Variants in OSM observed in about 807,000 individuals in gnomAD.
The protein encoded by OSM is oncostatin M, also known as oncostatin-M.
OSM carries 1 observed loss-of-function variant against 6.3 expected under a neutral mutation model. The ratio of observed to expected loss-of-function variants is 0.16; its 90% CI spans 0.06 to 0.76. The LOEUF (loss-of-function observed/expected upper bound fraction) is 0.76, where lower values mean the gene tolerates loss of function less well. OSM is among the 30% of genes least tolerant of loss of function. The pLI, the probability that OSM is intolerant of heterozygous loss-of-function variation, is 0.77. For synonymous variants in OSM, 135 were observed against 143.4 expected (o/e 0.94, Z 0.42); for missense variants, 324 against 336.9 (o/e 0.96, Z 0.30).
Position 30,263,145 on chromosome 22 carries a change from A to G in OSM, c.*738T>C, listed in dbSNP as rs200669206. 1 of 152,728 alleles carries G rather than the reference A, an allele frequency of 6.5e-6. No homozygotes were observed. Among genetic ancestry groups the G allele is most frequent in the Non-Finnish European group, 1.5e-5 (1 of 68,030 alleles). The allele number at this position is 152,728 out of a possible 1,614,324, so 9.5% of individuals were successfully genotyped here. A position where few individuals can be genotyped will look rare whatever the true frequency, so the allele number is the denominator to read the frequency against. Reference sequence around the variant, plus strand: ...TACACCTCCCAGCGCCATTTGCACCACCTGTCCTGATTTACAGATTTTTAA... The same window carrying G: ...TACACCTCCCAGCGCCATTTGCACCGCCTGTCCTGATTTACAGATTTTTAA... On this transcript the variant is annotated 3_prime_UTR_variant, in exon 3 of 3. Coordinates refer to ENST00000215781, the MANE Select transcript of OSM (RefSeq NM_020530.6).
At position 30,266,785 on chromosome 22, in the gene OSM, G is replaced by A. The variant is rs774656058; in HGVS notation, c.15C>T (p.Leu5=). 6.2e-7 allele frequency: 1 copy of A among 1,613,274 alleles called. No individual in the cohort carries two copies. Among genetic ancestry groups the A allele is most frequent in the Non-Finnish European group, 8.5e-7 (1 of 1,179,548 alleles). Residue 5 remains leucine, a synonymous_variant, in exon 1 of 3, where the codon CTC becomes CTT. Transcript: ENST00000215781. The surrounding 1 kb of genome is among the most constrained non-coding windows in gnomAD (Gnocchi z 5.0). MGVL[L]TQRTLLSLVL... is the part of the protein sequence containing the mutation. ...ACTTACTGAGCAGCGTCCTCTGTGT[G>A]AGCAGTACCCCCATGCTGGGTGCCC... is the stretch of plus-strand genomic sequence containing the variant.
In OSM at chr22:30,263,340, G is replaced by A. The variant is rs530800531; in HGVS notation, c.*543C>T. 6.5e-6 allele frequency: 1 copy of A among 152,892 alleles called. No homozygotes were observed. Among genetic ancestry groups the A allele is most frequent in the African/African-American group, 2.4e-5 (1 of 41,488 alleles). The allele number at this position is 152,892 out of a possible 1,614,324, so 9.5% of individuals were successfully genotyped here. A position where few individuals can be genotyped will look rare whatever the true frequency, so the allele number is the denominator to read the frequency against. On this transcript the variant is annotated 3_prime_UTR_variant, in exon 3 of 3. Transcript: ENST00000215781. ...CCTGGGACCTGAGCTCCATTCCCTG[G>A]ACCCCCGGATCAGGGCTCCTGGGAC... is the stretch of plus-strand genomic sequence containing the variant.
Position 30,264,135 on chromosome 22 carries a change from G to T in OSM, c.507C>A (p.Gly169=). The T allele has an allele frequency of 6.2e-7, 1 of 1,612,482 alleles. No individual in the cohort carries two copies. The highest frequency in any genetic ancestry group is 8.5e-7 in the Non-Finnish European group (1 of 1,179,070). ...NSDTAEPTKA[G]RGASQPPTPT... The stretch of plus-strand genomic sequence containing the variant: ...GGGTGGGCGGCTGAGAGGCCCCCCG[G>T]CCAGCCTTCGTGGGCTCAGCCGTGT... The change falls in exon 3 of 3, where the codon GGC becomes GGA. Residue 169 remains glycine, a synonymous_variant. Transcript: ENST00000215781.
At position 30,264,019 on chromosome 22, in the gene OSM, A is replaced by G. The variant is rs768270974; in HGVS notation, c.623T>C (p.Val208Ala). ...YHRFMHSVGR[V>A]FSKWGESPNR... is the part of the protein sequence containing the mutation. ...CGGGCTCTCCCCCCACTTGCTGAAG[A>G]CCCGCCCCACTGAGTGCATGAAGCG... Residue 208 changes from valine (V) to alanine (A), a missense_variant, in exon 3 of 3, where the codon GTC becomes GCC. Coordinates refer to ENST00000215781, the MANE Select transcript of OSM (RefSeq NM_020530.6). 3 of 1,561,596 alleles carry G rather than the reference A, an allele frequency of 1.9e-6. No homozygotes were observed. Among genetic ancestry groups the G allele is most frequent in the East Asian group, 4.5e-5 (2 of 44,326 alleles).
At chr22:30,264,500 A>G in intron 2 of OSM, 36 bp from the exon 3 acceptor site, 1 of 1,533,638 alleles carries the variant, frequency 6.5e-7, no homozygotes, top group Non-Finnish European at 8.9e-7. Flanking sequence ...GTGAATGCTG[A>G]GGATCCGGAC....
chr22:30,266,522 C>T lies in OSM; in HGVS notation c.34+244G>A, dbSNP rs1000106555. On this transcript the variant is annotated intron_variant, in intron 1 of 2. Transcript: ENST00000215781. This position sits in a 1 kb window ranked among gnomAD's most constrained non-coding sequence, Gnocchi z 5.0. ...CCCCTGGTTCCCAGAGTTGCCTCTA[C>T]ATCTTGACATCACCTCCCCCTGGAA... Among the ~76,000 whole-genome samples, 2 of 152,164 alleles carry T rather than the reference C, an allele frequency of 1.3e-5. No individual in the cohort carries two copies. Among genetic ancestry groups the T allele is most frequent in the African/African-American group, 2.4e-5 (1 of 41,436 alleles).
At position 30,263,790 on chromosome 22, in the gene OSM, G is replaced by A. The variant is rs1394051822; in HGVS notation, c.*93C>T. Reference sequence around the variant, plus strand: ...CAGTGGCTAGTAGCAGAGGGGAACAGGTTTGGGGACCCGGGAGCTGTCATC... The same window carrying A: ...CAGTGGCTAGTAGCAGAGGGGAACAAGTTTGGGGACCCGGGAGCTGTCATC... On this transcript the variant is annotated 3_prime_UTR_variant, in exon 3 of 3. Coordinates refer to ENST00000215781, the MANE Select transcript of OSM (RefSeq NM_020530.6). 2 of 1,068,496 alleles carry A rather than the reference G, an allele frequency of 1.9e-6. No individual in the cohort carries two copies. The highest frequency in any genetic ancestry group is 3.1e-4 in the Middle Eastern group (1 of 3,240). The allele number at this position is 1,068,496 out of a possible 1,614,324, so 66.2% of individuals were successfully genotyped here.
Position 30,265,073 on chromosome 22 carries a change from G to A in OSM, c.106C>T (p.Arg36Cys), listed in dbSNP as rs551223066. ...TTCTGGAGCTGGCCAAGGAGCACGC[G>A]GTACTCTTTCGAGCAGCTGCCTATA... ...AAIGSCSKEY[R>C]VLLGQLQKQT... is the part of the protein sequence containing the mutation. Residue 36 changes from arginine (R) to cysteine (C), a missense_variant, in exon 2 of 3, where the codon CGC becomes TGC. Arg to Cys is a radical substitution (Grantham distance 180). Transcript: ENST00000215781. 6.8e-6 allele frequency: 11 copies of A among 1,614,182 alleles called. No homozygotes were observed. Among genetic ancestry groups the A allele is most frequent in the Admixed American group, 3.3e-5 (2 of 60,026 alleles).
rs1374680963 is a variant in OSM, at chr22:30,263,646, C to T, written c.*237G>A. 4.8e-6 allele frequency: 2 copies of T among 413,024 alleles called. No homozygotes were observed. Among genetic ancestry groups the T allele is most frequent in the Non-Finnish European group, 8.5e-6 (2 of 234,380 alleles). The allele number at this position is 413,024 out of a possible 1,614,324, so 25.6% of individuals were successfully genotyped here. On this transcript the variant is annotated 3_prime_UTR_variant, in exon 3 of 3. Transcript: ENST00000215781. ...GTCGGTCCCGCGTGGCCCGCCCGGC[C>T]ACCCCACTGGGCCTGGGGAACTTGG...
At chr22:30,265,415 C>A in intron 1 of OSM, 1 of 1,269,228 alleles carries the variant, frequency 7.9e-7, no homozygotes, top group South Asian at 2.1e-5. Context: ...CCAAGTAGGT[C>A]TTTGAGCAAA....
In OSM at chr22:30,266,744, C is replaced by T. The variant is rs374916412; in HGVS notation, c.34+22G>A. The T allele has an allele frequency of 6.0e-5, 96 of 1,612,626 alleles. 1 individual carries two copies. Among genetic ancestry groups the T allele is most frequent in the African/African-American group, 2.9e-4 (22 of 74,862 alleles). The stretch of plus-strand genomic sequence containing the variant: ...GGCAGACCCAGCAGGCGGGTTCTGG[C>T]GGGGAGGAAGGAAGTACTTACTGAG... On this transcript the variant is annotated intron_variant, in intron 1 of 2. Transcript: ENST00000215781. The surrounding 1 kb of genome is among the most constrained non-coding windows in gnomAD (Gnocchi z 5.0).
rs745670219 is a variant in OSM at position 30,266,777 on chromosome 22, C to A, written c.23G>T (p.Arg8Met). MGVLLTQ[R>M]TLLSLVLALL... ...AAGGAAGTACTTACTGAGCAGCGTC[C>A]TCTGTGTGAGCAGTACCCCCATGCT... Residue 8 changes from arginine (R) to methionine (M), a missense_variant, in exon 1 of 3, where the codon AGG (arginine) becomes ATG (methionine). By Grantham distance (91) the Arg-to-Met change is moderately conservative. Transcript: ENST00000215781. This position sits in a 1 kb window ranked among gnomAD's most constrained non-coding sequence, Gnocchi z 5.0. The A allele has an allele frequency of 1.2e-6, 2 of 1,613,396 alleles. No individual in the cohort carries two copies. Among genetic ancestry groups the A allele is most frequent in the South Asian group, 2.2e-5 (2 of 91,040 alleles).
At position 30,266,697 on chromosome 22, in the gene OSM, C is replaced by T. The variant is rs1249351762; in HGVS notation, c.34+69G>A. On this transcript the variant is annotated intron_variant, in intron 1 of 2. Transcript: ENST00000215781. This position sits in a 1 kb window ranked among gnomAD's most constrained non-coding sequence, Gnocchi z 5.0. ...AGTTCCCGGAGGGCAGAGGGTGCCT[C>T]TGCTCCCCACCGGCACCCGTGGGCA... 8.3e-6 allele frequency: 13 copies of T among 1,570,130 alleles called. No individual in the cohort carries two copies. The highest frequency in any genetic ancestry group is 1.0e-5 in the Non-Finnish European group (12 of 1,143,358).
Position 30,264,343 on chromosome 22 carries a change from T to A in OSM, c.299A>T (p.Asn100Ile), listed in dbSNP as rs368818830. 6.2e-6 allele frequency: 10 copies of A among 1,613,824 alleles called. No homozygotes were observed. The highest frequency in any genetic ancestry group is 8.5e-6 in the Non-Finnish European group (10 of 1,180,026). ...GTGCAGGACGCAGCCCAGTGTGGCA[T>A]TGAGGGTCTGCAGGAAGCCCCGCCT... ...LGRRGFLQTL[N>I]ATLGCVLHRL... Residue 100 changes from asparagine to isoleucine, a missense_variant, in exon 3 of 3, where the codon AAT becomes ATT. Coordinates refer to ENST00000215781, the MANE Select transcript of OSM (RefSeq NM_020530.6).
At position 30,264,480 on chromosome 22, in the gene OSM, G is replaced by T; in HGVS notation, c.178-16C>A. On this transcript the variant is annotated splice_polypyrimidine_tract_variant and intron_variant, in intron 2 of 2. Transcript: ENST00000215781. ...GGATACGTATCTGGCGGGAACAGGA[G>T]GATCACAGGGTGAATGCTGAGGATC... The T allele has an allele frequency of 6.3e-7, 1 of 1,583,234 alleles. No homozygotes were observed. The highest frequency in any genetic ancestry group is 8.6e-7 in the Non-Finnish European group (1 of 1,157,980).
At position 30,264,403 on chromosome 22, in the gene OSM, G is replaced by A. The variant is rs1163745743; in HGVS notation, c.239C>T (p.Ala80Val). The A allele has an allele frequency of 6.2e-7, 1 of 1,613,942 alleles. No homozygotes were observed. Among genetic ancestry groups the A allele is most frequent in the Non-Finnish European group, 8.5e-7 (1 of 1,179,934 alleles). Residue 80 changes from alanine to valine, a missense_variant, in exon 3 of 3, where the codon GCC (alanine) becomes GTC (valine). By Grantham distance (64) the Ala-to-Val change is moderately conservative. Coordinates refer to ENST00000215781, the MANE Select transcript of OSM (RefSeq NM_020530.6). ...CCTCAGGGTCTCCTCACTGGGGAAG[G>A]CCCCGGGGCGCTCCCTGCAGTGCTC... is the stretch of plus-strand genomic sequence containing the variant. ...LREHCRERPG[A>V]FPSEETLRGL...
In OSM at chr22:30,266,570, C is replaced by T. The variant is rs1929396795; in HGVS notation, c.34+196G>A. On this transcript the variant is annotated intron_variant, in intron 1 of 2. Transcript: ENST00000215781. The surrounding 1 kb of genome is among the most constrained non-coding windows in gnomAD (Gnocchi z 5.0). The stretch of plus-strand genomic sequence containing the variant: ...GAAGCCTTCCAGGGATGCCCCTTCT[C>T]TACCTGTGGAGATGCCAGGTTCTCA... Among the ~76,000 whole-genome samples the T allele has an allele frequency of 6.6e-6, 1 of 152,164 alleles. No homozygotes were observed. Among genetic ancestry groups the T allele is most frequent in the Admixed American group, 6.5e-5 (1 of 15,286 alleles).
At chr22:30,265,478 C>T (rs1004957248) in intron 1 of OSM, 13 of 960,892 alleles carry the variant, frequency 1.4e-5, no homozygotes, top group Admixed American at 4.5e-5. Context: ...GTTCTAACCT[C>T]GGGAGCTGAC....
Position 30,263,428 on chromosome 22 carries a change from G to A in OSM, c.*455C>T, listed in dbSNP as rs1377743334. Reference sequence around the variant, plus strand: ...CCAGACATCCAGGTGTCTGGTTTGGGACATGATGAGGCATAGGAGGCCAGC... The same window carrying A: ...CCAGACATCCAGGTGTCTGGTTTGGAACATGATGAGGCATAGGAGGCCAGC... On this transcript the variant is annotated 3_prime_UTR_variant, in exon 3 of 3. Transcript: ENST00000215781. 1 of 160,736 alleles carries A rather than the reference G, an allele frequency of 6.2e-6. No individual in the cohort carries two copies. The highest frequency in any genetic ancestry group is 6.5e-5 in the Admixed American group (1 of 15,466). The allele number at this position is 160,736 out of a possible 1,614,324, so 10.0% of individuals were successfully genotyped here.
Sources: gnomAD v4.1 joint callset for allele counts (sites outside exome capture counted in the v4.1 genomes callset) on GRCh38, gnomAD v4.1.1 for gene constraint, Gnocchi (gnomAD v3.1) non-coding constraint, MANE v1.5 for transcripts, NCBI Gene and HGNC (gene_info 2026-07-23, HGNC 2026-07-21) for gene names.